The following SCHIP1 variants were observed in gnomAD, a reference collection of about 807,000 sequenced individuals.
SCHIP1 encodes schwannomin-interacting protein 1.
In SCHIP1, 8 loss-of-function variants were observed where a neutral mutation model predicts 29.7. That is an observed-to-expected ratio of 0.27 (90% CI 0.16 to 0.49). The LOEUF is 0.49. Among genes scored for constraint, SCHIP1 ranks in the 20% least tolerant of loss-of-function variants. The pLI is 0.99. For synonymous variants in SCHIP1, 76 were observed against 94.9 expected (o/e 0.80, Z 1.16); for missense variants, 193 against 294.6 (o/e 0.66, Z 2.52).
chr3:159,739,857 A>C, the SCHIP1 span, among the ~76,000 whole-genome samples: 1 of 152,254 alleles, frequency 6.6e-6, no homozygotes, highest in Non-Finnish European at 1.5e-5. Context: ...TAATTACATG[A>C]ACAACTGCGA....
the SCHIP1 span, among the ~76,000 whole-genome samples, chr3:159,305,257 C>T: frequency 6.6e-6 from 1 of 152,206 alleles, no homozygotes; most frequent in Non-Finnish European, 1.5e-5. Flanking sequence ...GCTGTGTCCT[C>T]AGGCTTCTCA....
At chr3:159,840,078 G>T (rs79601953) in exon 1 of SCHIP1, 2 of 1,521,824 alleles carry the variant, frequency 1.3e-6, no homozygotes, top group East Asian at 2.5e-5. Context: ...GGGAGCCCCT[G>T]CCTTACCAGG....
the SCHIP1 span, among the ~76,000 whole-genome samples, chr3:159,293,462 T>C: frequency 3.9e-5 from 6 of 152,244 alleles, no homozygotes; most frequent in East Asian, 1.2e-3. Flanking sequence ...GGCACGAAGG[T>C]GGTATATGGG....
At chr3:159,721,977 T>G in the SCHIP1 span, 24 of 372,084 alleles carry the variant, frequency 6.5e-5, no homozygotes, top group South Asian at 5.4e-4. Context: ...CTTGACTTTC[T>G]GTTCCTTATG....
At chr3:159,279,752 A>G in the SCHIP1 span, among the ~76,000 whole-genome samples, 1 of 152,128 alleles carries the variant, frequency 6.6e-6, no homozygotes, top group Non-Finnish European at 1.5e-5. Context: ...TAGAAACACA[A>G]CAGATAACTC....
chr3:159,665,649 A>C, the SCHIP1 span, among the ~76,000 whole-genome samples: 1 of 152,038 alleles, frequency 6.6e-6, no homozygotes, highest in South Asian at 2.1e-4. Context: ...AGGGGAGCCC[A>C]GTAGGCACAG....
At chr3:159,786,426 C>T in the SCHIP1 span, among the ~76,000 whole-genome samples, 1 of 152,002 alleles carries the variant, frequency 6.6e-6, no homozygotes, top group Non-Finnish European at 1.5e-5. Context: ...TCAAATTATT[C>T]AAATTGAGCC....
the SCHIP1 span, among the ~76,000 whole-genome samples, chr3:159,688,141 G>T: frequency 7.2e-5 from 11 of 152,286 alleles, no homozygotes; most frequent in African/African-American, 2.6e-4. Flanking sequence ...GGGTCAAATG[G>T]TATTTCTAGT....
intron 2 of SCHIP1, among the ~76,000 whole-genome samples, chr3:159,870,818 G>T (rs1348218359): frequency 6.6e-6 from 1 of 151,932 alleles, no homozygotes; most frequent in Non-Finnish European, 1.5e-5. Flanking sequence ...CTTAAAAATG[G>T]ATTGGGAAGT....
chr3:159,694,242 C>A, the SCHIP1 span, among the ~76,000 whole-genome samples: 9 of 151,784 alleles, frequency 5.9e-5, no homozygotes, highest in East Asian at 1.7e-3. Flanking sequence ...CTAACCCTAA[C>A]CCTAACCCTA....
chr3:159,651,592 CA>C, the SCHIP1 span, among the ~76,000 whole-genome samples: 1 of 152,102 alleles, frequency 6.6e-6, no homozygotes, highest in Non-Finnish European at 1.5e-5. Flanking sequence ...ATAAGTGCAC[CA>C]AAGGTTTGGT....
chr3:159,316,601 A>G, the SCHIP1 span, among the ~76,000 whole-genome samples: 3 of 152,220 alleles, frequency 2.0e-5, no homozygotes, highest in Admixed American at 6.5e-5. Flanking sequence ...TCCCTTGTCA[A>G]CTTGAACCTG....
chr3:159,626,188 A>ATCTATC, the SCHIP1 span, among the ~76,000 whole-genome samples: 1 of 117,352 alleles, frequency 8.5e-6, no homozygotes, highest in Non-Finnish European at 1.6e-5. Flanking sequence ...ATCTAGATAG[A>ATCTATC]TAGATAGATA....
chr3:159,713,068 T>C, the SCHIP1 span, among the ~76,000 whole-genome samples: 1 of 150,948 alleles, frequency 6.6e-6, no homozygotes, highest in African/African-American at 2.4e-5. Context: ...GGCAGGAGAA[T>C]TGCTTGAACC....
chr3:159,476,336 C>A, the SCHIP1 span, among the ~76,000 whole-genome samples: 2 of 152,008 alleles, frequency 1.3e-5, no homozygotes. Context: ...GAGTTTATTG[C>A]CCACAATATT....
the SCHIP1 span, among the ~76,000 whole-genome samples, chr3:159,686,176 T>A: frequency 6.6e-6 from 1 of 152,194 alleles, no homozygotes; most frequent in African/African-American, 2.4e-5. Flanking sequence ...CAGAAAGAGT[T>A]GTTTTAGCTC....
the SCHIP1 span, among the ~76,000 whole-genome samples, chr3:159,747,657 C>T: frequency 3.3e-5 from 5 of 151,944 alleles, no homozygotes; most frequent in South Asian, 2.1e-4. Flanking sequence ...GGTATGACCA[C>T]GGGTTCAGTA....
chr3:159,406,922 A>C, the SCHIP1 span, among the ~76,000 whole-genome samples: 1 of 152,192 alleles, frequency 6.6e-6, no homozygotes, highest in Non-Finnish European at 1.5e-5. Flanking sequence ...AAGAAATTAA[A>C]ACAATATTGC....
chr3:159,306,946 C>T, the SCHIP1 span, among the ~76,000 whole-genome samples: 4 of 151,940 alleles, frequency 2.6e-5, no homozygotes, highest in Non-Finnish European at 5.9e-5. Context: ...TATCCCTTGA[C>T]AAAATAATAC....
Sources: allele counts gnomAD v4.1 joint callset (sites outside exome capture counted in the v4.1 genomes callset), GRCh38; gene constraint gnomAD v4.1.1; transcripts MANE v1.5; gene names NCBI Gene and HGNC (gene_info 2026-07-23, HGNC 2026-07-21).